Variants in SIK3 observed in about 807,000 individuals in gnomAD.
SIK3 encodes SIK family kinase 3.
SIK3 carries 28 observed loss-of-function variants against 144.2 expected under a neutral mutation model. The observed-to-expected ratio is 0.19, with a 90% CI of 0.14 to 0.27. The LOEUF (loss-of-function observed/expected upper bound fraction) is 0.27. Ranked by LOEUF, SIK3 falls within the 10% of genes least tolerant of loss-of-function variation. The probability of loss-of-function intolerance (pLI) is 1.00; values close to 1 mark genes in which losing one functional copy is unlikely to be tolerated. For synonymous variants in SIK3, 686 were observed against 676.3 expected (o/e 1.01, Z -0.22); for missense variants, 1,319 against 1,776.0 (o/e 0.74, Z 4.62).
chr11:116,947,531 A>ATG lies in SIK3; in HGVS notation c.454+6512_454+6513insCA, dbSNP rs1555107760. 1.5e-3 allele frequency among the ~76,000 whole-genome samples: 193 copies of ATG among 124,936 alleles called. 1 individual carries two copies. Among genetic ancestry groups the ATG allele is most frequent in the East Asian group, 0.015 (71 of 4,662 alleles). 82.0% of individuals were successfully genotyped at this position (124,936 alleles called of 152,430 possible). A position where few individuals can be genotyped will look rare whatever the true frequency, so the allele number is the denominator to read the frequency against. On this transcript the variant is annotated intron_variant, in intron 3 of 24. Coordinates refer to ENST00000445177, the MANE Select transcript of SIK3 (RefSeq NM_001366686.3). ...TTTAGCTAGGGAAATATATATATAT[A>ATG]TATGTATGTATGTATGTATGTATGT...
chr11:116,943,518 A>G (rs1948424877), intron 3 of SIK3, among the ~76,000 whole-genome samples: 3 of 152,164 alleles, frequency 2.0e-5, no homozygotes, highest in Admixed American at 2.0e-4. Context: ...ATACTACGCC[A>G]TATGTTTGGG....
chr11:117,020,090 C>T (rs1404680999), intron 1 of SIK3, among the ~76,000 whole-genome samples: 3 of 151,840 alleles, frequency 2.0e-5, no homozygotes, highest in African/African-American at 7.3e-5. Context: ...CTTCCAAACC[C>T]GGGGTTTGAC....
At chr11:117,017,034 C>T (rs1422466488) in intron 1 of SIK3, among the ~76,000 whole-genome samples, 3 of 152,272 alleles carry the variant, frequency 2.0e-5, no homozygotes, top group East Asian at 3.9e-4. Context: ...AATTATATAA[C>T]GCTAAAAACT....
chr11:116,956,194 A>C (rs1754367791), intron 2 of SIK3, among the ~76,000 whole-genome samples: 1 of 152,048 alleles, frequency 6.6e-6, no homozygotes, highest in Non-Finnish European at 1.5e-5. Context: ...CTCCCAAAAT[A>C]TCTCTTTCAC....
intron 3 of SIK3, among the ~76,000 whole-genome samples, chr11:116,945,120 T>C (rs935594571): frequency 9.2e-5 from 14 of 152,164 alleles, no homozygotes; most frequent in African/African-American, 3.4e-4. Flanking sequence ...CCACCACACC[T>C]GGCTCATTTT....
intron 1 of SIK3, among the ~76,000 whole-genome samples, chr11:117,023,621 A>AATATATATATATATATAT (rs1555131639): frequency 1.3e-4 from 12 of 95,394 alleles, no homozygotes; most frequent in African/African-American, 2.6e-4. Context: ...AAAAAAAAAA[A>AATATATATATATATATAT]ATATATATAT....
At chr11:116,876,392 A>AC (rs768990909) in intron 7 of SIK3, 29 bp from the exon 8 acceptor site, 2 of 1,546,434 alleles carry the variant, frequency 1.3e-6, no homozygotes, top group Non-Finnish European at 1.8e-6. Flanking sequence ...GAAGCTGTCA[A>AC]CCCCCCAATT....
At chr11:116,853,941 A>C (rs2134341111) in intron 21 of SIK3, among the ~76,000 whole-genome samples, 1 of 152,306 alleles carries the variant, frequency 6.6e-6, no homozygotes, top group Admixed American at 6.5e-5. Flanking sequence ...TTGGGAAGAA[A>C]CCTTTGGCAT....
intron 6 of SIK3, among the ~76,000 whole-genome samples, chr11:116,894,220 C>T (rs1031420331): frequency 2.6e-5 from 4 of 152,132 alleles, no homozygotes; most frequent in Non-Finnish European, 5.9e-5. Context: ...CTCTAAATAG[C>T]GGTATGTTCC....
rs568986995 is a variant in SIK3, at chr11:116,860,535, G to A, written c.2425+739C>T. On this transcript the variant is annotated intron_variant, in intron 19 of 24. Transcript: ENST00000445177. ...CCACGTGTATAGTAGACAGCCAAAC[G>A]GAGGCATGTCTATAAGGAAGGTTCT... is the stretch of plus-strand genomic sequence containing the variant. 3.7e-4 allele frequency among the ~76,000 whole-genome samples: 56 copies of A among 152,312 alleles called. 1 individual carries two copies. In the South Asian group the frequency reaches 0.011, roughly 30 times the overall value.
intron 21 of SIK3, among the ~76,000 whole-genome samples, chr11:116,853,959 G>A (rs1353555235): frequency 1.3e-5 from 2 of 152,358 alleles, no homozygotes; most frequent in East Asian, 3.9e-4. Context: ...CATGCTGCCT[G>A]CTTAGTGCTC....
At chr11:117,098,052 C>A (rs1955558802) in intron 1 of SIK3, 91 bp downstream of exon 1, 2 of 1,177,980 alleles carry the variant, frequency 1.7e-6, no homozygotes, top group Non-Finnish European at 2.1e-6. Context: ...CACCACGCGC[C>A]GCGCTCGCCG....
intron 18 of SIK3, 79 bp from the exon 19 acceptor site, chr11:116,861,462 T>C (rs978804883): frequency 1.9e-6 from 2 of 1,072,742 alleles, no homozygotes; most frequent in Admixed American, 5.1e-5. Flanking sequence ...ATACAACATA[T>C]ATCAGTGGAA....
intron 3 of SIK3, among the ~76,000 whole-genome samples, chr11:116,929,946 C>T (rs1278412681): frequency 6.6e-6 from 1 of 152,140 alleles, no homozygotes; most frequent in African/African-American, 2.4e-5. Flanking sequence ...GCTGTAACAG[C>T]GCACTGGGTA....
intron 1 of SIK3, among the ~76,000 whole-genome samples, chr11:117,006,975 G>C (rs1951071472): frequency 6.6e-6 from 1 of 152,186 alleles, no homozygotes; most frequent in African/African-American, 2.4e-5. Context: ...AATTAATCCA[G>C]GAATTGCAGA....
At chr11:117,044,900 A>G (rs1952892488) in intron 1 of SIK3, among the ~76,000 whole-genome samples, 1 of 152,150 alleles carries the variant, frequency 6.6e-6, no homozygotes, top group African/African-American at 2.4e-5. Context: ...ACAACATGGC[A>G]AATCAGTCAA....
rs570208711 is a variant in SIK3, at chr11:116,947,363, C to T, written c.454+6681G>A. 7.8e-4 allele frequency among the ~76,000 whole-genome samples: 114 copies of T among 146,120 alleles called. 1 individual carries two copies. The highest frequency in any genetic ancestry group is 2.8e-3 in the African/African-American group (111 of 39,628). On this transcript the variant is annotated intron_variant, in intron 3 of 24. Coordinates refer to ENST00000445177, the MANE Select transcript of SIK3 (RefSeq NM_001366686.3). Reference sequence around the variant, plus strand: ...CAAAAGATACTAAGAAGGAACAGTCCGAACAATAGAAGAATCAGAAGTTGA... The same window carrying T: ...CAAAAGATACTAAGAAGGAACAGTCTGAACAATAGAAGAATCAGAAGTTGA...
At chr11:116,900,836 T>C (rs144782872) in intron 4 of SIK3, among the ~76,000 whole-genome samples, 17 of 152,172 alleles carry the variant, frequency 1.1e-4, no homozygotes, top group Non-Finnish European at 2.1e-4. Context: ...ATTACTGTTC[T>C]GTCATATACA....
At position 117,061,811 on chromosome 11, in the gene SIK3, T is replaced by C. The variant is rs76170377; in HGVS notation, c.273+36332A>G. On this transcript the variant is annotated intron_variant, in intron 1 of 24. Coordinates refer to ENST00000445177, the MANE Select transcript of SIK3 (RefSeq NM_001366686.3). Reference sequence around the variant, plus strand: ...AAATGTCAATAAATAAGCAGAAATATTAGAAGAGTCCAAATTATTATTTGC... The same window carrying C: ...AAATGTCAATAAATAAGCAGAAATACTAGAAGAGTCCAAATTATTATTTGC... Among the ~76,000 whole-genome samples, 410 of 152,218 alleles carry C rather than the reference T, an allele frequency of 2.7e-3. 4 individuals carry two copies. Among genetic ancestry groups the C allele is most frequent in the African/African-American group, 9.1e-3 (377 of 41,534 alleles).
Sources: gnomAD v4.1 joint callset for allele counts (sites outside exome capture counted in the v4.1 genomes callset) on GRCh38, gnomAD v4.1.1 for gene constraint, MANE v1.5 for transcripts, NCBI Gene and HGNC (gene_info 2026-07-23, HGNC 2026-07-21) for gene names.